PRKCA: variants seen among roughly 807,000 people sequenced by gnomAD.
PRKCA encodes protein kinase C alpha, also known as protein kinase C alpha type.
PRKCA carries 27 observed loss-of-function variants against 87.0 expected under a neutral mutation model. The observed-to-expected ratio is 0.31, with a 90% CI of 0.23 to 0.43. The LOEUF is 0.43. Ranked by LOEUF, PRKCA falls within the 20% of genes least tolerant of loss-of-function variation. PRKCA has a pLI of 1.00. For missense variants in PRKCA, 518 were observed against 852.3 expected (o/e 0.61, Z 4.88); for synonymous variants, 329 against 311.1 (o/e 1.06, Z -0.61).
Position 66,332,481 on chromosome 17 carries a change from G to A in PRKCA, c.205+26354G>A, listed in dbSNP as rs534600490. On this transcript the variant is annotated intron_variant, in intron 2 of 16. Coordinates refer to ENST00000413366, the MANE Select transcript of PRKCA (RefSeq NM_002737.3). The stretch of plus-strand genomic sequence containing the variant: ...GACGTCAGGTGATCCCCCTGCGTCA[G>A]CCTCCCAAAGTGCTAGGGTTACAGG... Among the ~76,000 whole-genome samples, 3 of 152,028 alleles carry A rather than the reference G, an allele frequency of 2.0e-5. No homozygotes were observed. The East Asian group carries it at 5.8e-4, about 29-fold the overall frequency.
At chr17:66,713,049 CTTTTTT>C (rs564655403) in intron 8 of PRKCA, among the ~76,000 whole-genome samples, 1 of 104,432 alleles carries the variant, frequency 9.6e-6, no homozygotes. Context: ...CTTTGTTGTC[CTTTTTT>C]TTTTTTTTTT....
intron 2 of PRKCA, among the ~76,000 whole-genome samples, chr17:66,330,225 C>T (rs971428679): frequency 1.3e-5 from 2 of 151,898 alleles, no homozygotes; most frequent in Non-Finnish European, 2.9e-5. Context: ...CCTGCCTTAG[C>T]CTCCCAACTA....
rs943069333 is a variant in PRKCA at position 66,314,293 on chromosome 17, G to A, written c.205+8166G>A. ...TTCCACGGCAGACCCTTTATTTCAG[G>A]TCTTGTTTTCCACCCAAACTGTGAA... On this transcript the variant is annotated intron_variant, in intron 2 of 16. Coordinates refer to ENST00000413366, the MANE Select transcript of PRKCA (RefSeq NM_002737.3). Among the ~76,000 whole-genome samples the A allele has an allele frequency of 3.3e-5, 5 of 152,226 alleles. No homozygotes were observed. The East Asian group carries it at 9.6e-4, about 29-fold the overall frequency.
At chr17:66,536,463 A>G (rs1308068518) in intron 3 of PRKCA, among the ~76,000 whole-genome samples, 1 of 152,228 alleles carries the variant, frequency 6.6e-6, no homozygotes, top group Non-Finnish European at 1.5e-5. Context: ...GTCTGGGAAA[A>G]GAAGGATAAT....
chr17:66,733,165 A>AAAAT (rs1287407713), intron 9 of PRKCA, among the ~76,000 whole-genome samples: 3 of 151,886 alleles, frequency 2.0e-5, no homozygotes, highest in Non-Finnish European at 2.9e-5. Flanking sequence ...AAAAAAAAAA[A>AAAAT]AAGATTTCCC....
chr17:66,478,684 AAATT>A (rs1915639956), intron 2 of PRKCA, among the ~76,000 whole-genome samples: 1 of 152,204 alleles, frequency 6.6e-6, no homozygotes, highest in Non-Finnish European at 1.5e-5. Flanking sequence ...ATGGTTGAAA[AAATT>A]AGAGAATATA....
rs549502374 is a variant in PRKCA at position 66,753,290 on chromosome 17, C to G, written c.1524+10530C>G. On this transcript the variant is annotated intron_variant, in intron 13 of 16. Coordinates refer to ENST00000413366, the MANE Select transcript of PRKCA (RefSeq NM_002737.3). ...TAGACAACAACCTGGGTACTCAGAGCCTGGAATTCCCTTCCAGGGCCTCTT... is the reference window on the plus strand; with the variant it reads ...TAGACAACAACCTGGGTACTCAGAGGCTGGAATTCCCTTCCAGGGCCTCTT... 8.1e-4 allele frequency among the ~76,000 whole-genome samples: 124 copies of G among 152,338 alleles called. 1 individual carries two copies. The highest frequency in any genetic ancestry group is 2.9e-3 in the African/African-American group (120 of 41,592).
At chr17:66,441,422 G>A (rs938506912) in intron 2 of PRKCA, among the ~76,000 whole-genome samples, 5 of 73,912 alleles carry the variant, frequency 6.8e-5, no homozygotes, top group African/African-American at 2.7e-4. Flanking sequence ...GGGAGATCGT[G>A]GATCCCTGAG....
intron 3 of PRKCA, among the ~76,000 whole-genome samples, chr17:66,597,556 C>A (rs1427073256): frequency 5.8e-5 from 2 of 34,518 alleles, no homozygotes; most frequent in African/African-American, 2.2e-4. Context: ...ATGGTAGTTT[C>A]TTTTGCTGTG....
rs149406336 is a variant in PRKCA, at chr17:66,699,872, C to G, written c.918+10825C>G. ...CTGGGCCACTGTGCCCAGACTCTAC[C>G]AAACATTTAAATAAGAATTAATACC... On this transcript the variant is annotated intron_variant, in intron 8 of 16. Transcript: ENST00000413366. Among the ~76,000 whole-genome samples the G allele has an allele frequency of 2.4e-4, 37 of 152,350 alleles. No individual in the cohort carries two copies. The East Asian group carries it at 6.9e-3, about 29-fold the overall frequency.
intron 5 of PRKCA, among the ~76,000 whole-genome samples, chr17:66,647,796 C>T (rs930326843): frequency 6.6e-6 from 1 of 152,144 alleles, no homozygotes; most frequent in Non-Finnish European, 1.5e-5. Context: ...TGGATGTCGA[C>T]TTTTTGCATG....
At position 66,617,888 on chromosome 17, in the gene PRKCA, G is replaced by A. The variant is rs75947950; in HGVS notation, c.289-23467G>A. Among the ~76,000 whole-genome samples, 949 of 152,300 alleles carry A rather than the reference G, an allele frequency of 6.2e-3. 8 individuals carry two copies. The highest frequency in any genetic ancestry group is 0.017 in the Middle Eastern group (5 of 294). On this transcript the variant is annotated intron_variant, in intron 3 of 16. Transcript: ENST00000413366. Reference sequence around the variant, plus strand: ...AAGATTGAGAGTTTTGTCAGGCCAAGAGGCAGCAGGCTAATTTCTCAACCT... The same window carrying A: ...AAGATTGAGAGTTTTGTCAGGCCAAAAGGCAGCAGGCTAATTTCTCAACCT...
rs1975086601 is a variant in PRKCA, at chr17:66,777,542, T to A, written c.1605+3475T>A. ...AGTCAATGGCTGGAGAAACAGGAGT[T>A]GTCTGCTCCTCAAGTTAATTTCCCC... is the stretch of plus-strand genomic sequence containing the variant. On this transcript the variant is annotated intron_variant, in intron 14 of 16. Coordinates refer to ENST00000413366, the MANE Select transcript of PRKCA (RefSeq NM_002737.3). 9 of 982,868 alleles carry A rather than the reference T, an allele frequency of 9.2e-6. 1 individual carries two copies. In the African/African-American group the frequency reaches 1.6e-4, roughly 17 times the overall value. The allele number at this position is 982,868 out of a possible 1,614,324, so 60.9% of individuals were successfully genotyped here. A position where few individuals can be genotyped will look rare whatever the true frequency, so the allele number is the denominator to read the frequency against.
intron 3 of PRKCA, among the ~76,000 whole-genome samples, chr17:66,524,480 A>G (rs751254742): frequency 1.3e-5 from 2 of 152,222 alleles, no homozygotes; most frequent in Non-Finnish European, 2.9e-5. Flanking sequence ...TCCCTGACTT[A>G]TAAACAGTTG....
intron 2 of PRKCA, among the ~76,000 whole-genome samples, chr17:66,399,218 C>T (rs1179507074): frequency 6.6e-6 from 1 of 151,336 alleles, no homozygotes; most frequent in Non-Finnish European, 1.5e-5. Flanking sequence ...CCCATCTCAG[C>T]CTTCCAAGTA....
At chr17:66,698,848 G>C (rs529107596) in intron 8 of PRKCA, among the ~76,000 whole-genome samples, 3 of 151,388 alleles carry the variant, frequency 2.0e-5, no homozygotes, top group Non-Finnish European at 4.4e-5. Flanking sequence ...AGGTGTAGTG[G>C]TGCATGCCTG....
intron 3 of PRKCA, among the ~76,000 whole-genome samples, chr17:66,572,672 T>G (rs1730812871): frequency 6.6e-6 from 1 of 152,102 alleles, no homozygotes; most frequent in Non-Finnish European, 1.5e-5. Flanking sequence ...GCTTTTTGAT[T>G]TTTTTGTAGA....
intron 8 of PRKCA, among the ~76,000 whole-genome samples, chr17:66,713,339 C>A (rs1475406067): frequency 6.6e-6 from 1 of 152,040 alleles, no homozygotes; most frequent in Admixed American, 6.5e-5. Context: ...CGTGAGCCAC[C>A]GCATCCGACC....
intron 2 of PRKCA, among the ~76,000 whole-genome samples, chr17:66,479,126 G>A (rs775530290): frequency 2.0e-5 from 3 of 152,062 alleles, no homozygotes; most frequent in Non-Finnish European, 4.4e-5. Context: ...TATGCATTCA[G>A]CAAAGATCTA....
Sources: gnomAD v4.1 joint callset for allele counts (sites outside exome capture counted in the v4.1 genomes callset) on GRCh38, gnomAD v4.1.1 for gene constraint, MANE v1.5 for transcripts, NCBI Gene and HGNC (gene_info 2026-07-23, HGNC 2026-07-21) for gene names.